The following ZNF534 variants were observed in gnomAD, a reference collection of about 807,000 sequenced individuals.
ZNF534 encodes KRAB domain only 3.
ZNF534 carries 19 observed loss-of-function variants against 13.6 expected under a neutral mutation model. The observed-to-expected ratio is 1.40, with a 90% CI of 0.97 to 2.05. The LOEUF is 2.05. Among genes scored for constraint, ZNF534 ranks in the 30% most tolerant of loss-of-function variants. ZNF534 has a pLI of 0.00. For synonymous variants in ZNF534, 244 were observed against 273.8 expected, an observed-to-expected ratio of 0.89 and a Z score of 1.07; for missense variants, 782 against 796.3, an observed-to-expected ratio of 0.98 and a Z score of 0.22.
rs756561656 is a variant in ZNF534 at position 52,433,800 on chromosome 19, C to T, written c.16-155C>T. ...CCTTATGGAAAAGTATAATAAAACACAATCACAGACACATAACTAGCTCAA... is the reference window on the plus strand; with the variant it reads ...CCTTATGGAAAAGTATAATAAAACATAATCACAGACACATAACTAGCTCAA... On this transcript the variant is annotated intron_variant, in intron 2 of 4. Transcript: ENST00000433050. 5.1e-4 allele frequency: 409 copies of T among 809,024 alleles called. 1 individual carries two copies. The highest frequency in any genetic ancestry group is 4.0e-4 in the Non-Finnish European group (189 of 477,714). 50.1% of individuals were successfully genotyped at this position (809,024 alleles called of 1,614,324 possible).
rs867740169 is a variant in ZNF534, at chr19:52,440,518, C to G, written c.*1072C>G. Among the ~76,000 whole-genome samples the G allele has an allele frequency of 6.6e-6, 1 of 152,260 alleles. No individual in the cohort carries two copies. The highest frequency in any genetic ancestry group is 1.9e-4 in the East Asian group (1 of 5,176). ...ACTGGAGGCTGGGTGCGGTGGCTCA[C>G]GCCTGTAATCCCAGCACTTTGGGAG... On this transcript the variant is annotated 3_prime_UTR_variant, in exon 5 of 5. Coordinates refer to ENST00000433050, the MANE Select transcript of ZNF534 (RefSeq NM_001143938.3).
chr19:52,441,126 G>A lies in ZNF534; in HGVS notation c.*1680G>A, dbSNP rs1350534088. The stretch of plus-strand genomic sequence containing the variant: ...TCACCATGTTAGCCAGGCTGGTCTC[G>A]ATCTCCTGACCTTGTGATCCATCTG... On this transcript the variant is annotated 3_prime_UTR_variant, in exon 5 of 5. Transcript: ENST00000433050. Among the ~76,000 whole-genome samples, 1 of 152,144 alleles carries A rather than the reference G, an allele frequency of 6.6e-6. No individual in the cohort carries two copies. Among genetic ancestry groups the A allele is most frequent in the Non-Finnish European group, 1.5e-5 (1 of 68,018 alleles).
intron 2 of ZNF534, among the ~76,000 whole-genome samples, chr19:52,431,746 G>A (rs1298719183): frequency 6.6e-6 from 1 of 152,044 alleles, no homozygotes; most frequent in Non-Finnish European, 1.5e-5. Flanking sequence ...GATGGGGTGT[G>A]GGCCTTGTGG....
rs1032850195 is a variant in ZNF534, at chr19:52,439,168, A to C, written c.1708A>C (p.Asn570His). 7.1e-6 allele frequency: 11 copies of C among 1,547,440 alleles called. No homozygotes were observed. In the African/African-American group the frequency reaches 1.5e-4, roughly 21 times the overall value. ...GAATTCACACCTTGCGCGACATAGG[A>C]ATATTCATACTGGAGAGAAGCCTCA... ...SRNSHLARHR[N>H]IHTGEKPHSC... The change falls in exon 5 of 5, where the codon AAT (asparagine) becomes CAT (histidine). Residue 570 changes from asparagine (N) to histidine (H), a missense_variant. By Grantham distance (68) the Asn-to-His change is moderately conservative (BLOSUM62 1). Around this residue, in one of 5 missense-constraint regions of ZNF534, gnomAD observed 591 missense variants for 574.0 expected, o/e 1.03. Transcript: ENST00000433050.
At chr19:52,435,406 C>G (rs2059122547) in intron 4 of ZNF534, among the ~76,000 whole-genome samples, 197 bp downstream of exon 4, 1 of 151,952 alleles carries the variant, frequency 6.6e-6, no homozygotes, top group African/African-American at 2.4e-5. Flanking sequence ...TCTGCAGAGC[C>G]ACACTATTAC....
intron 4 of ZNF534, among the ~76,000 whole-genome samples, chr19:52,448,146 T>C (rs1020097531): frequency 2.6e-5 from 4 of 152,124 alleles, no homozygotes; most frequent in African/African-American, 9.7e-5. Flanking sequence ...CCAGGCGCAG[T>C]GGCTCACACC....
chr19:52,436,475 A>G (rs1229327410), intron 4 of ZNF534, among the ~76,000 whole-genome samples: 1 of 152,098 alleles, frequency 6.6e-6, no homozygotes, highest in Non-Finnish European at 1.5e-5. Context: ...TTGAATTTGT[A>G]TATTCAGTTC....
chr19:52,436,324 A>T (rs2608489), intron 4 of ZNF534, among the ~76,000 whole-genome samples: 4 of 152,118 alleles, frequency 2.6e-5, no homozygotes, highest in Admixed American at 6.6e-5. Context: ...AGACTTATAC[A>T]GTTTCCTATT....
rs371553178 is a variant in ZNF534, at chr19:52,448,787, A to G, written c.272-2400A>G. ...TATATGGTACATGTGATATTTTGAT[A>G]CACACATAAAATAGATAATGATCAA... On this transcript the variant is annotated intron_variant, in intron 4 of 4. Transcript: ENST00000301085. 2.1e-4 allele frequency among the ~76,000 whole-genome samples: 32 copies of G among 152,306 alleles called. No individual in the cohort carries two copies. The East Asian group carries it at 3.1e-3, about 15-fold the overall frequency.
In ZNF534 at chr19:52,440,514, C is replaced by G. The variant is rs899598499; in HGVS notation, c.*1068C>G. 6.6e-6 allele frequency among the ~76,000 whole-genome samples: 1 copy of G among 152,194 alleles called. No individual in the cohort carries two copies. Among genetic ancestry groups the G allele is most frequent in the Non-Finnish European group, 1.5e-5 (1 of 68,040 alleles). Reference sequence around the variant, plus strand: ...TCATACTGGAGGCTGGGTGCGGTGGCTCACGCCTGTAATCCCAGCACTTTG... The same window carrying G: ...TCATACTGGAGGCTGGGTGCGGTGGGTCACGCCTGTAATCCCAGCACTTTG... On this transcript the variant is annotated 3_prime_UTR_variant, in exon 5 of 5. Transcript: ENST00000433050.
Position 52,439,042 on chromosome 19 carries a change from G to C in ZNF534, c.1582G>C (p.Gly528Arg). ...GAAGCCTTACAGTTGTAATGAATGT[G>C]GCAAGGTCTTCCGTCGGAATTCACA... ...GEKPYSCNEC[G>R]KVFRRNSHLV... The change falls in exon 5 of 5, where the codon GGC becomes CGC. Residue 528 changes from glycine (G) to arginine (R), a missense_variant. Gly to Arg is a moderately radical substitution (Grantham distance 125). This residue lies in a region of ZNF534 where 591 missense variants were observed against 574.0 expected (regional missense o/e 1.03). Transcript: ENST00000433050. The C allele has an allele frequency of 6.3e-7, 1 of 1,598,362 alleles. No homozygotes were observed. Among genetic ancestry groups the C allele is most frequent in the Non-Finnish European group, 8.5e-7 (1 of 1,172,088 alleles).
At chr19:52,435,933 C>CTTTTTTTTTTT (rs1289517628) in intron 4 of ZNF534, among the ~76,000 whole-genome samples, 3 of 17,520 alleles carry the variant, frequency 1.7e-4, no homozygotes, top group African/African-American at 2.2e-4. Context: ...TATTTTTCTT[C>CTTTTTTTTTTT]TTCTTCTTTT....
At chr19:52,443,900 T>C (rs2561011), downstream of ZNF534, among the ~76,000 whole-genome samples, 142,730 of 151,966 alleles carry the variant, frequency 0.94, 67,278 homozygotes, top group Non-Finnish European at 0.97. Flanking sequence ...TTTATGCTAT[T>C]TATTTAACTG....
chr19:52,446,358 T>C (rs749195014), downstream of ZNF534, among the ~76,000 whole-genome samples: 21 of 152,172 alleles, frequency 1.4e-4, no homozygotes, highest in Non-Finnish European at 2.6e-4. Flanking sequence ...ACTATTACCA[T>C]GGAAACTGAC....
At position 52,434,071 on chromosome 19, in the gene ZNF534, G is replaced by A. The variant is rs369902973; in HGVS notation, c.132G>A (p.Leu44=). The change falls in exon 3 of 5, where the codon CTG becomes CTA. Residue 44 remains leucine, a synonymous_variant. Coordinates refer to ENST00000433050, the MANE Select transcript of ZNF534 (RefSeq NM_001143938.3). Reference sequence around the variant, plus strand: ...TGATGTTAGAGAACTACAGGAACCTGGTCTCCCTAGGTGAGGATAATGTCC... The same window carrying A: ...TGATGTTAGAGAACTACAGGAACCTAGTCTCCCTAGGTGAGGATAATGTCC... ...RDVMLENYRN[L]VSLGICLPDL... 1 of 1,614,008 alleles carries A rather than the reference G, an allele frequency of 6.2e-7. No homozygotes were observed. Among genetic ancestry groups the A allele is most frequent in the Admixed American group, 1.7e-5 (1 of 60,006 alleles).
chr19:52,437,943 T>A lies in ZNF534; in HGVS notation c.483T>A (p.Asn161Lys). The change falls in exon 5 of 5, where the codon AAT becomes AAA. Residue 161 changes from asparagine (N) to lysine (K), a missense_variant. Physicochemically the swap from Asn to Lys is moderately conservative, Grantham distance 94. Around this residue, in one of 5 missense-constraint regions of ZNF534, gnomAD observed 591 missense variants for 574.0 expected, o/e 1.03. Coordinates refer to ENST00000433050, the MANE Select transcript of ZNF534 (RefSeq NM_001143938.3). ...SFFSVKTHIFNNYRNDFLFST... is the reference protein window; with the variant it reads ...SFFSVKTHIFKNYRNDFLFST... ...TCAGTGTCAAAACCCATATTTTTAA[T>A]AACTACAGAAATGATTTTCTTTTTT... is the stretch of plus-strand genomic sequence containing the variant. 1 of 1,612,626 alleles carries A rather than the reference T, an allele frequency of 6.2e-7. No individual in the cohort carries two copies. The highest frequency in any genetic ancestry group is 8.5e-7 in the Non-Finnish European group (1 of 1,179,516).
chr19:52,439,641 C>A lies in ZNF534; in HGVS notation c.*195C>A, dbSNP rs1434321612. On this transcript the variant is annotated 3_prime_UTR_variant, in exon 5 of 5. Coordinates refer to ENST00000433050, the MANE Select transcript of ZNF534 (RefSeq NM_001143938.3). Reference sequence around the variant, plus strand: ...GGGTGTGGTGGCAGGCACCTGTAGTCCCAGCTACTCAGGAGGCTGAGGCAG... The same window carrying A: ...GGGTGTGGTGGCAGGCACCTGTAGTACCAGCTACTCAGGAGGCTGAGGCAG... Among the ~76,000 whole-genome samples, 4 of 151,840 alleles carry A rather than the reference C, an allele frequency of 2.6e-5. No homozygotes were observed. The highest frequency in any genetic ancestry group is 6.6e-5 in the Admixed American group (1 of 15,226).
chr19:52,434,460 G>A (rs1384627878), intron 3 of ZNF534, among the ~76,000 whole-genome samples: 2 of 44,402 alleles, frequency 4.5e-5, no homozygotes, highest in South Asian at 1.0e-3. Flanking sequence ...TCAAGACTCC[G>A]TCTCAAAAAA....
intron 4 of ZNF534, among the ~76,000 whole-genome samples, chr19:52,436,783 T>G: frequency 6.6e-6 from 1 of 152,196 alleles, no homozygotes. Flanking sequence ...GAATTTCTGT[T>G]CTCTTGTTTT....
Sources: gnomAD v4.1 joint callset for allele counts (sites outside exome capture counted in the v4.1 genomes callset) on GRCh38, gnomAD v4.1.1 for gene constraint, gnomAD v4.1.1 regional missense constraint, MANE v1.5 for transcripts, NCBI Gene and HGNC (gene_info 2026-07-23, HGNC 2026-07-21) for gene names.